The following SPTBN1 variants were observed in gnomAD, a reference collection of about 807,000 sequenced individuals.
SPTBN1 encodes the protein spectrin beta chain, non-erythrocytic 1.
A neutral mutation model predicts 266.4 loss-of-function variants in SPTBN1; 32 were observed. That is an observed-to-expected ratio of 0.12 (90% CI 0.09 to 0.16). The LOEUF (loss-of-function observed/expected upper bound fraction) is 0.16. Ranked by LOEUF, SPTBN1 falls within the 10% of genes least tolerant of loss-of-function variation. The probability of loss-of-function intolerance (pLI) is 1.00; values close to 1 mark genes in which losing one functional copy is unlikely to be tolerated. For missense variants in SPTBN1, 2,296 were observed against 3,067.1 expected (o/e 0.75, Z 5.94); for synonymous variants, 1,336 against 1,162.2 (o/e 1.15, Z -3.04).
Position 54,576,055 on chromosome 2 carries a change from C to CTTTTTTTTTT in SPTBN1, c.149-23029_149-23020dup, listed in dbSNP as rs71408771. Among the ~76,000 whole-genome samples the CTTTTTTTTTT allele has an allele frequency of 5.9e-4, 11 of 18,734 alleles. 1 individual carries two copies. The highest frequency in any genetic ancestry group is 8.8e-4 in the Non-Finnish European group (8 of 9,048). 12.3% of individuals were successfully genotyped at this position (18,734 alleles called of 152,430 possible). On this transcript the variant is annotated intron_variant, in intron 2 of 35. Transcript: ENST00000356805. ...TTTTCCTTTTGTCACTCAGATCCAG[C>CTTTTTTTTTT]TTTTTTTTTTTTTTTTTGAGAGACA...
At chr2:54,569,187 G>A (rs1673885950) in intron 2 of SPTBN1, among the ~76,000 whole-genome samples, 1 of 152,152 alleles carries the variant, frequency 6.6e-6, no homozygotes, top group Non-Finnish European at 1.5e-5. Flanking sequence ...ACGGGGTGGG[G>A]GAGATAAGGG....
intron 5 of SPTBN1, among the ~76,000 whole-genome samples, chr2:54,616,621 G>A (rs1677635150): frequency 6.6e-6 from 1 of 152,190 alleles, no homozygotes; most frequent in Non-Finnish European, 1.5e-5. Context: ...ACAGTTGTAG[G>A]TTTTCTTCAC....
At chr2:54,509,385 C>T (rs1458600885) in intron 1 of SPTBN1, among the ~76,000 whole-genome samples, 1 of 152,132 alleles carries the variant, frequency 6.6e-6, no homozygotes, top group Non-Finnish European at 1.5e-5. Context: ...GTATATGCAT[C>T]AGGTGTGAGG....
chr2:54,492,934 A>T (rs1452648289), intron 1 of SPTBN1, among the ~76,000 whole-genome samples: 2 of 151,854 alleles, frequency 1.3e-5, no homozygotes, highest in African/African-American at 4.8e-5. Flanking sequence ...TCTGCAGAAT[A>T]TTGAATACAG....
intron 1 of SPTBN1, among the ~76,000 whole-genome samples, chr2:54,516,916 C>A (rs1670140003): frequency 6.6e-6 from 1 of 152,140 alleles, no homozygotes. Flanking sequence ...TAGGGGCAGC[C>A]TTCCAGGTCA....
In SPTBN1 at chr2:54,649,359, G is replaced by A. The variant is rs1680120714; in HGVS notation, c.5202+169G>A. 6.6e-6 allele frequency among the ~76,000 whole-genome samples: 1 copy of A among 152,186 alleles called. No individual in the cohort carries two copies. ...TTATAAGCTGGTGACTCGCATTTAG[G>A]TTGGCTAACCTCTCTGTGCACCCCT... On this transcript the variant is annotated intron_variant, in intron 25 of 35. Transcript: ENST00000356805. This position sits in a 1 kb window ranked among gnomAD's most constrained non-coding sequence, Gnocchi z 6.7.
intron 2 of SPTBN1, among the ~76,000 whole-genome samples, chr2:54,566,292 A>G (rs1026705796): frequency 3.3e-5 from 5 of 150,076 alleles, no homozygotes; most frequent in African/African-American, 4.9e-5. Flanking sequence ...GGTTCAAGCA[A>G]TTCTCTTGCC....
chr2:54,647,691 A>T (rs554982796), intron 24 of SPTBN1, among the ~76,000 whole-genome samples: 4 of 152,112 alleles, frequency 2.6e-5, no homozygotes, highest in Admixed American at 6.5e-5. Context: ...AATACAAAAA[A>T]TCAGCTGGGT....
At chr2:54,572,776 T>G (rs1165052716) in intron 2 of SPTBN1, among the ~76,000 whole-genome samples, 1 of 152,230 alleles carries the variant, frequency 6.6e-6, no homozygotes, top group Non-Finnish European at 1.5e-5. Context: ...GCAGTGGGCT[T>G]GACTGTAGCC....
intron 7 of SPTBN1, 143 bp from the exon 8 acceptor site, chr2:54,621,257 G>T: frequency 1.8e-6 from 1 of 548,520 alleles, no homozygotes. Context: ...TGTAATTAAT[G>T]CACGGATGGC....
intron 2 of SPTBN1, among the ~76,000 whole-genome samples, chr2:54,584,804 T>G (rs1403809239): frequency 4.6e-5 from 7 of 152,200 alleles, no homozygotes; most frequent in Admixed American, 4.6e-4. Context: ...AGACTACACC[T>G]AAGACAATAT....
At chr2:54,487,540 A>G (rs557532527) in intron 1 of SPTBN1, among the ~76,000 whole-genome samples, 499 of 152,288 alleles carry the variant, frequency 3.3e-3, no homozygotes, top group Non-Finnish European at 4.3e-3. Flanking sequence ...CAGCCTAGGT[A>G]CAATTCCTCA....
intron 1 of SPTBN1, among the ~76,000 whole-genome samples, chr2:54,457,099 G>T (rs1216536010): frequency 6.8e-6 from 1 of 146,714 alleles, no homozygotes; most frequent in Admixed American, 6.8e-5. Context: ...CGGAGGCGGC[G>T]GCCCCGCGCC....
chr2:54,528,092 A>G (rs3796022), intron 2 of SPTBN1: 22,433 of 152,670 alleles, frequency 0.15, 1,713 homozygotes, highest in Middle Eastern at 0.2. Context: ...TCACTCTAGA[A>G]TTGGGGCTTC....
chr2:54,481,425 TG>T lies in SPTBN1; in HGVS notation c.-48+24908del, dbSNP rs1558763995. 7.0e-4 allele frequency among the ~76,000 whole-genome samples: 68 copies of T among 96,854 alleles called. 1 individual carries two copies. The highest frequency in any genetic ancestry group is 2.5e-3 in the African/African-American group (58 of 22,976). 63.5% of individuals were successfully genotyped at this position (96,854 alleles called of 152,430 possible). On this transcript the variant is annotated intron_variant, in intron 1 of 35. Transcript: ENST00000356805. Reference sequence around the variant, plus strand: ...GTGTGTGTGTGTGTGTGTGTGTGTGTGTGTGTGTGTGTGTGTTTTGTTTTGT... The same window carrying T: ...GTGTGTGTGTGTGTGTGTGTGTGTGTTGTGTGTGTGTGTGTTTTGTTTTGT...
Position 54,655,272 on chromosome 2 carries a change from A to T in SPTBN1, c.5961+64A>T, listed in dbSNP as rs1680574973. 15 of 1,589,440 alleles carry T rather than the reference A, an allele frequency of 9.4e-6. No individual in the cohort carries two copies. In the South Asian group the frequency reaches 1.7e-4, roughly 18 times the overall value. ...AAGATGTAAAATGACTTTGTTTTAT[A>T]TGTTTGTGTGTGTCAGAGATACTGT... On this transcript the variant is annotated intron_variant, in intron 28 of 35. Coordinates refer to ENST00000356805, the MANE Select transcript of SPTBN1 (RefSeq NM_003128.3).
rs913041392 is a variant in SPTBN1, at chr2:54,645,032, G to A, written c.4270-197G>A. On this transcript the variant is annotated intron_variant, in intron 20 of 35. Transcript: ENST00000356805. The surrounding 1 kb of genome is among the most constrained non-coding windows in gnomAD (Gnocchi z 4.3). Reference sequence around the variant, plus strand: ...TTATATCACCGTAGAGGGCTTTAAGGGCAAATGAATTTACCTCAGATTTAC... The same window carrying A: ...TTATATCACCGTAGAGGGCTTTAAGAGCAAATGAATTTACCTCAGATTTAC... 8.3e-6 allele frequency: 5 copies of A among 603,812 alleles called. No homozygotes were observed. Among genetic ancestry groups the A allele is most frequent in the Non-Finnish European group, 1.2e-5 (4 of 344,144 alleles). The allele number at this position is 603,812 out of a possible 1,614,324, so 37.4% of individuals were successfully genotyped here.
In SPTBN1 at chr2:54,655,960, T is replaced by C; in HGVS notation, c.6008T>C (p.Ile2003Thr). 1 of 1,613,614 alleles carries C rather than the reference T, an allele frequency of 6.2e-7. No individual in the cohort carries two copies. Among genetic ancestry groups the C allele is most frequent in the East Asian group, 2.2e-5 (1 of 44,858 alleles). ...LQLTEKRKEM[I>T]DKWEDRWEWL... is the part of the protein sequence containing the mutation. ...TTGACGGAAAAGAGGAAAGAAATGA[T>C]CGACAAGTGGGAAGACCGATGGGAA... Residue 2003 changes from isoleucine (I) to threonine (T), a missense_variant, in exon 29 of 36, where the codon ATC becomes ACC. This residue lies in a region of SPTBN1 where 644 missense variants were observed against 745.3 expected (regional missense o/e 0.86). Coordinates refer to ENST00000356805, the MANE Select transcript of SPTBN1 (RefSeq NM_003128.3).
intron 2 of SPTBN1, among the ~76,000 whole-genome samples, chr2:54,588,079 T>G (rs1675407472): frequency 6.6e-6 from 1 of 152,210 alleles, no homozygotes; most frequent in Non-Finnish European, 1.5e-5. Context: ...ATTATTATAT[T>G]GAAATGTTTT....
Sources: gnomAD v4.1 joint callset for allele counts (sites outside exome capture counted in the v4.1 genomes callset) on GRCh38, gnomAD v4.1.1 for gene constraint, gnomAD v4.1.1 regional missense constraint, Gnocchi (gnomAD v3.1) non-coding constraint, MANE v1.5 for transcripts, NCBI Gene and HGNC (gene_info 2026-07-23, HGNC 2026-07-21) for gene names.